The following SETBP1 variants were observed in gnomAD, a reference collection of about 807,000 sequenced individuals.
The protein encoded by SETBP1 is SET-binding protein.
A neutral mutation model predicts 101.0 loss-of-function variants in SETBP1; 9 were observed. The observed-to-expected ratio is 0.09, with a 90% CI of 0.05 to 0.16. SETBP1 has a LOEUF of 0.16. Among genes scored for constraint, SETBP1 ranks in the 10% least tolerant of loss-of-function variants. The probability of loss-of-function intolerance (pLI) is 1.00; values close to 1 mark genes in which losing one functional copy is unlikely to be tolerated. For missense variants in SETBP1, 1,858 were observed against 2,033.8 expected, an observed-to-expected ratio of 0.91 and a Z score of 1.66; for synonymous variants, 818 against 788.5, an observed-to-expected ratio of 1.04 and a Z score of -0.63.
intron 2 of SETBP1, among the ~76,000 whole-genome samples, chr18:44,816,164 G>T (rs1011415418): frequency 7.2e-5 from 11 of 152,218 alleles, no homozygotes; most frequent in African/African-American, 1.9e-4. Context: ...TGCAAGGCAG[G>T]TGGGGAAGGG....
At chr18:44,890,612 T>C (rs2069746110) in intron 3 of SETBP1, among the ~76,000 whole-genome samples, 1 of 152,114 alleles carries the variant, frequency 6.6e-6, no homozygotes, top group African/African-American at 2.4e-5. Context: ...TCCCTCAAAA[T>C]AGCCTCAGCC....
At chr18:44,925,361 C>A (rs1013047003) in intron 3 of SETBP1, among the ~76,000 whole-genome samples, 1 of 152,154 alleles carries the variant, frequency 6.6e-6, no homozygotes, top group Non-Finnish European at 1.5e-5. Flanking sequence ...CTGGGACCCA[C>A]TCAACTCACA....
intron 2 of SETBP1, among the ~76,000 whole-genome samples, chr18:44,854,521 C>T (rs1568182078): frequency 6.6e-6 from 1 of 150,602 alleles, no homozygotes; most frequent in Non-Finnish European, 1.5e-5. Flanking sequence ...CATTGAGGCT[C>T]CCAGCACTGA....
chr18:45,042,810 A>C (rs1389427662), intron 5 of SETBP1, among the ~76,000 whole-genome samples: 1 of 152,134 alleles, frequency 6.6e-6, no homozygotes, highest in Non-Finnish European at 1.5e-5. Flanking sequence ...AGCTGGGAAC[A>C]TGTCAGTTTG....
chr18:44,879,794 CAGG>C (rs1251252467), intron 3 of SETBP1, among the ~76,000 whole-genome samples: 1 of 152,164 alleles, frequency 6.6e-6, no homozygotes, highest in Non-Finnish European at 1.5e-5. Context: ...GCCATTTGAC[CAGG>C]AGAAGGGAAC....
chr18:45,048,095 G>T (rs1012957666), intron 5 of SETBP1, among the ~76,000 whole-genome samples: 1 of 152,190 alleles, frequency 6.6e-6, no homozygotes, highest in African/African-American at 2.4e-5. Context: ...CAGAAACTTG[G>T]ACTCTTTCTG....
In SETBP1 at chr18:44,950,866, G is replaced by A. The variant is rs759880537; in HGVS notation, c.1526G>A (p.Cys509Tyr). The A allele has an allele frequency of 3.1e-6, 5 of 1,614,148 alleles. No individual in the cohort carries two copies. In the South Asian group the frequency reaches 5.5e-5, roughly 18 times the overall value. The stretch of plus-strand genomic sequence containing the variant: ...CCCATGGTCATGACACCTCCAACGT[G>A]CACAGATCACTCTCCATCCAGAAAG... The part of the protein sequence containing the change: ...KPPMVMTPPT[C>Y]TDHSPSRKLP... The change falls in exon 4 of 6, where the codon TGC becomes TAC. Residue 509 changes from cysteine (C) to tyrosine (Y), a missense_variant. Transcript: ENST00000649279.
chr18:45,004,038 C>T (rs1370077799), intron 4 of SETBP1, among the ~76,000 whole-genome samples: 2 of 152,198 alleles, frequency 1.3e-5, no homozygotes. Flanking sequence ...GCTGAATACC[C>T]TACAAGGCGT....
At chr18:44,980,904 G>A (rs1267900609) in intron 4 of SETBP1, among the ~76,000 whole-genome samples, 2 of 152,152 alleles carry the variant, frequency 1.3e-5, no homozygotes, top group African/African-American at 4.8e-5. Context: ...GTTGGTTTTG[G>A]CCTTCGCAGA....
intron 3 of SETBP1, among the ~76,000 whole-genome samples, chr18:44,892,240 G>A (rs2069788244): frequency 6.6e-6 from 1 of 152,166 alleles, no homozygotes; most frequent in Admixed American, 6.5e-5. Flanking sequence ...TCTCCACTAT[G>A]GATGAGAAGT....
intron 3 of SETBP1, among the ~76,000 whole-genome samples, chr18:44,898,133 G>A (rs765181595): frequency 5.3e-5 from 8 of 152,030 alleles, no homozygotes; most frequent in Non-Finnish European, 1.0e-4. Flanking sequence ...CTGTTTCATT[G>A]TTCCTCCACA....
rs78889966 is a variant in SETBP1, at chr18:44,916,970, A to G, written c.541-32911A>G. On this transcript the variant is annotated intron_variant, in intron 3 of 5. Transcript: ENST00000649279. Reference sequence around the variant, plus strand: ...AAATAAGCCGCTTCCCTGGTTTCCCAGACCTCATCAGTGCATGGCTGCTGT... The same window carrying G: ...AAATAAGCCGCTTCCCTGGTTTCCCGGACCTCATCAGTGCATGGCTGCTGT... 6.7e-3 allele frequency among the ~76,000 whole-genome samples: 1,023 copies of G among 152,358 alleles called. 14 individuals are homozygous for G. The highest frequency in any genetic ancestry group is 0.024 in the African/African-American group (986 of 41,582).
chr18:44,770,541 C>T (rs1288056090), intron 2 of SETBP1, among the ~76,000 whole-genome samples: 1 of 152,152 alleles, frequency 6.6e-6, no homozygotes, highest in Non-Finnish European at 1.5e-5. Context: ...GTGTTTTCAT[C>T]TATTGCACTT....
At chr18:44,715,405 G>A (rs2069441228) in intron 2 of SETBP1, among the ~76,000 whole-genome samples, 1 of 152,172 alleles carries the variant, frequency 6.6e-6, no homozygotes. Flanking sequence ...TTATTTACAG[G>A]GTATTCTAAA....
rs74693261 is a variant in SETBP1 at position 44,966,736 on chromosome 18, C to T, written c.4000+13396C>T. Among the ~76,000 whole-genome samples the T allele has an allele frequency of 2.4e-3, 361 of 152,258 alleles. 1 individual carries two copies. The highest frequency in any genetic ancestry group is 4.3e-3 in the Non-Finnish European group (290 of 68,010). ...TAAGAATAAATTGAACAATTTCTAA[C>T]GCAGCTTAGTAGAGCAAAGAAAGCC... On this transcript the variant is annotated intron_variant, in intron 4 of 5. Transcript: ENST00000649279.
chr18:44,912,129 A>G (rs1005615263), intron 3 of SETBP1, among the ~76,000 whole-genome samples: 3 of 152,224 alleles, frequency 2.0e-5, no homozygotes, highest in Admixed American at 2.0e-4. Flanking sequence ...CAGGTTTATT[A>G]TAAGAGTCTT....
rs557070853 is a variant in SETBP1 at position 45,045,168 on chromosome 18, T to C, written c.4171+6513T>C. Among the ~76,000 whole-genome samples, 89 of 152,018 alleles carry C rather than the reference T, an allele frequency of 5.9e-4. 1 individual carries two copies. The South Asian group carries it at 0.018, about 31-fold the overall frequency. ...GGCCAGGCACAGTGGCTCACACCTGTAATCCCAGCACTTGGGAAGCCAAGG... is the reference window on the plus strand; with the variant it reads ...GGCCAGGCACAGTGGCTCACACCTGCAATCCCAGCACTTGGGAAGCCAAGG... On this transcript the variant is annotated intron_variant, in intron 5 of 5. Transcript: ENST00000649279.
At chr18:44,971,203 A>G (rs539310720) in intron 4 of SETBP1, among the ~76,000 whole-genome samples, 1 of 152,028 alleles carries the variant, frequency 6.6e-6, no homozygotes, top group Non-Finnish European at 1.5e-5. Flanking sequence ...AAGGACACGA[A>G]CTCATCATTT....
Position 44,701,851 on chromosome 18 carries a change from T to C in SETBP1, c.486+19T>C. ...AAAGAAGGTAGGAAGCCCTGTCTTA[T>C]GGTTGTTTTTGTTTGTTTCTCTGTT... is the stretch of plus-strand genomic sequence containing the variant. On this transcript the variant is annotated intron_variant, in intron 2 of 5. Coordinates refer to ENST00000649279, the MANE Select transcript of SETBP1 (RefSeq NM_015559.3). 6.2e-7 allele frequency: 1 copy of C among 1,609,126 alleles called. No homozygotes were observed.
Sources: allele counts gnomAD v4.1 joint callset (sites outside exome capture counted in the v4.1 genomes callset), GRCh38; gene constraint gnomAD v4.1.1; transcripts MANE v1.5; gene names NCBI Gene and HGNC (gene_info 2026-07-23, HGNC 2026-07-21).